Variants in STARD13 observed in about 807,000 individuals in gnomAD.
STARD13 encodes the protein stAR-related lipid transfer protein 13.
In STARD13, 62 loss-of-function variants were observed where a neutral mutation model predicts 106.4. That is an observed-to-expected ratio of 0.58 (90% CI 0.48 to 0.72). The LOEUF (loss-of-function observed/expected upper bound fraction) is 0.72. STARD13 is among the 30% of genes least tolerant of loss of function. The pLI, the probability that STARD13 is intolerant of heterozygous loss-of-function variation, is 0.00. For synonymous variants in STARD13, 565 were observed against 553.0 expected (o/e 1.02, Z -0.31); for missense variants, 1,387 against 1,424.0 (o/e 0.97, Z 0.42).
intron 1 of STARD13, among the ~76,000 whole-genome samples, chr13:33,317,966 G>T (rs113530339): frequency 1.3e-5 from 2 of 152,104 alleles, no homozygotes; most frequent in South Asian, 4.1e-4. Flanking sequence ...CTTGCTCAAG[G>T]TCACGCAGTT....
the STARD13 span, among the ~76,000 whole-genome samples, chr13:33,396,537 A>T: frequency 1.3e-5 from 2 of 152,190 alleles, no homozygotes. Context: ...CACACATAGT[A>T]AAGGAAACAT....
the STARD13 span, among the ~76,000 whole-genome samples, chr13:33,617,010 C>T: frequency 1.3e-5 from 2 of 152,174 alleles, no homozygotes; most frequent in Non-Finnish European, 2.9e-5. Context: ...GTACATCTGT[C>T]AACAGGTGGA....
chr13:33,520,779 G>C, the STARD13 span, among the ~76,000 whole-genome samples: 2 of 152,142 alleles, frequency 1.3e-5, no homozygotes, highest in South Asian at 2.1e-4. Flanking sequence ...CGAGGAAGAA[G>C]TTACATGAGG....
the STARD13 span, among the ~76,000 whole-genome samples, chr13:33,447,975 G>C: frequency 6.6e-6 from 1 of 152,148 alleles, no homozygotes; most frequent in East Asian, 1.9e-4. Context: ...GTTAGTGAAA[G>C]AGGTTATGTA....
rs1888191336 is a variant in STARD13, at chr13:33,218,911, GA to G, written c.170-51290del. 2.0e-5 allele frequency among the ~76,000 whole-genome samples: 3 copies of G among 152,072 alleles called. No homozygotes were observed. In the South Asian group the frequency reaches 6.2e-4, roughly 32 times the overall value. On this transcript the variant is annotated intron_variant, in intron 1 of 13. Coordinates refer to ENST00000336934, the MANE Select transcript of STARD13 (RefSeq NM_178006.4). ...TGGTTATGCTGAACAACACGGCACT[GA>G]AAAAACAGAGAATACCTGTAAGATT...
chr13:33,587,809 G>A, the STARD13 span, among the ~76,000 whole-genome samples: 2 of 152,174 alleles, frequency 1.3e-5, no homozygotes, highest in African/African-American at 4.8e-5. Context: ...GAACTGAGAT[G>A]TGCTTTCAGT....
At chr13:33,539,870 A>T in the STARD13 span, among the ~76,000 whole-genome samples, 3 of 152,242 alleles carry the variant, frequency 2.0e-5, no homozygotes, top group Non-Finnish European at 4.4e-5. Context: ...CACTTTTAAG[A>T]AAATGAAAAA....
chr13:33,382,515 G>A, the STARD13 span, among the ~76,000 whole-genome samples: 1 of 152,208 alleles, frequency 6.6e-6, no homozygotes, highest in African/African-American at 2.4e-5. Flanking sequence ...CTTTCAGTAG[G>A]CTCTGAAATC....
chr13:33,392,031 A>G, the STARD13 span, among the ~76,000 whole-genome samples: 1 of 152,118 alleles, frequency 6.6e-6, no homozygotes, highest in Non-Finnish European at 1.5e-5. Context: ...TTCTTCCCTC[A>G]ACTTCTTCGT....
rs1878164188 is a variant in STARD13, at chr13:33,130,717, AG to A, written c.388-429del. Among the ~76,000 whole-genome samples, 1 of 152,152 alleles carries A rather than the reference AG, an allele frequency of 6.6e-6. No individual in the cohort carries two copies. On this transcript the variant is annotated intron_variant, in intron 4 of 13. Transcript: ENST00000336934. The surrounding 1 kb of genome is among the most constrained non-coding windows in gnomAD (Gnocchi z 4.1). ...CTTCTTTCCAGAAACCTCTTCACTG[AG>A]CCCCGGGGACCATATTTCCAGCTTG...
the STARD13 span, among the ~76,000 whole-genome samples, chr13:33,449,226 G>A: frequency 6.6e-6 from 1 of 151,990 alleles, no homozygotes; most frequent in Non-Finnish European, 1.5e-5. Flanking sequence ...TAGCAGTTTT[G>A]TAGTTTTGGG....
intron 5 of STARD13, among the ~76,000 whole-genome samples, chr13:33,128,687 T>A (rs1877632609): frequency 6.6e-6 from 1 of 152,078 alleles, no homozygotes; most frequent in Admixed American, 6.6e-5. Context: ...CAAAATATTT[T>A]TGGATAAAAC....
At chr13:33,506,305 A>G in the STARD13 span, among the ~76,000 whole-genome samples, 2 of 152,120 alleles carry the variant, frequency 1.3e-5, no homozygotes, top group Non-Finnish European at 2.9e-5. Context: ...GTGAAGGACC[A>G]TTTTTCCTTG....
chr13:33,192,424 A>G (rs777384136), intron 1 of STARD13, among the ~76,000 whole-genome samples: 3 of 152,198 alleles, frequency 2.0e-5, no homozygotes, highest in Non-Finnish European at 4.4e-5. Flanking sequence ...TTGTACGAGG[A>G]AAGTTTATAG....
At chr13:33,168,539 G>C (rs1883587410) in intron 1 of STARD13, among the ~76,000 whole-genome samples, 1 of 152,178 alleles carries the variant, frequency 6.6e-6, no homozygotes, top group African/African-American at 2.4e-5. Flanking sequence ...TTCATCTGTT[G>C]AAAGTCCAGT....
the STARD13 span, among the ~76,000 whole-genome samples, chr13:33,479,044 C>A: frequency 6.6e-6 from 1 of 152,126 alleles, no homozygotes; most frequent in African/African-American, 2.4e-5. Flanking sequence ...AAAAATCCAA[C>A]AGCTCTATAG....
At position 33,129,000 on chromosome 13, in the gene STARD13, A is replaced by G; in HGVS notation, c.1677T>C (p.Asn559=). The stretch of plus-strand genomic sequence containing the variant: ...CTCTGACCCCAGGAGGCTCAGATTC[A>G]TTAAGAGATGTTACATCTCTTTCCA... ...SDVERDVTSL[N]ESEPPGVRDR... is the part of the protein sequence containing the mutation. Residue 559 remains asparagine, a synonymous_variant, in exon 5 of 14, where the codon AAT becomes AAC. Transcript: ENST00000336934. 3.7e-6 allele frequency: 6 copies of G among 1,614,130 alleles called. No homozygotes were observed. Among genetic ancestry groups the G allele is most frequent in the Non-Finnish European group, 5.1e-6 (6 of 1,180,020 alleles).
At chr13:33,127,240 T>C in intron 6 of STARD13, 133 bp downstream of exon 6, 1 of 1,012,128 alleles carries the variant, frequency 9.9e-7, no homozygotes. Flanking sequence ...AGCTCATGCC[T>C]TATGTCCAGG....
the STARD13 span, among the ~76,000 whole-genome samples, chr13:33,443,290 T>C: frequency 1.3e-5 from 2 of 151,300 alleles, no homozygotes; most frequent in Admixed American, 6.6e-5. Flanking sequence ...GGCAGGAGAA[T>C]GCCTTGAACC....
Sources: allele counts gnomAD v4.1 joint callset (sites outside exome capture counted in the v4.1 genomes callset), GRCh38; gene constraint gnomAD v4.1.1; non-coding constraint Gnocchi (gnomAD v3.1); transcripts MANE v1.5; gene names NCBI Gene and HGNC (gene_info 2026-07-23, HGNC 2026-07-21).